CSGALNACT1: variants seen among roughly 807,000 people sequenced by gnomAD.
CSGALNACT1 encodes chondroitin sulfate N-acetylgalactosaminyltransferase 1, also known as beta4GalNAcT-1.
In CSGALNACT1, 52 loss-of-function variants were observed where a neutral mutation model predicts 51.0. The ratio of observed to expected loss-of-function variants is 1.02; its 90% confidence interval spans 0.82 to 1.29. The LOEUF (loss-of-function observed/expected upper bound fraction) is 1.29. Ranked by LOEUF, CSGALNACT1 falls within the 50% of genes most tolerant of loss-of-function variation. CSGALNACT1 has a pLI of 0.00. For synonymous variants in CSGALNACT1, 341 were observed against 254.4 expected (o/e 1.34, Z -3.24); for missense variants, 935 against 679.2 (o/e 1.38, Z -4.19).
intron 6 of CSGALNACT1, among the ~76,000 whole-genome samples, chr8:19,432,356 G>T (rs1319509331): frequency 6.6e-6 from 1 of 152,078 alleles, no homozygotes; most frequent in Non-Finnish European, 1.5e-5. Context: ...TGGATGAGTT[G>T]CTTCTCTTTC....
At chr8:19,429,680 A>G (rs1390509420) in intron 6 of CSGALNACT1, among the ~76,000 whole-genome samples, 1 of 152,266 alleles carries the variant, frequency 6.6e-6, no homozygotes, top group East Asian at 1.9e-4. Context: ...TAATGCAGCT[A>G]TGAACATTCA....
At chr8:19,740,412 C>A (rs2064239141) in intron 1 of CSGALNACT1, among the ~76,000 whole-genome samples, 1 of 152,204 alleles carries the variant, frequency 6.6e-6, no homozygotes, top group Admixed American at 6.5e-5. Context: ...ACCCCCACAA[C>A]CCTTCCTCCA....
chr8:19,458,697 G>A (rs1381521260), intron 4 of CSGALNACT1, 55 bp from the exon 4 acceptor site: 2 of 1,517,684 alleles, frequency 1.3e-6, no homozygotes, highest in East Asian at 4.7e-5. Flanking sequence ...TGGCTGCTGA[G>A]TGTTTTTCAA....
chr8:19,537,971 T>TA (rs1424947546), intron 3 of CSGALNACT1, among the ~76,000 whole-genome samples: 1 of 152,116 alleles, frequency 6.6e-6, no homozygotes, highest in African/African-American at 2.4e-5. Flanking sequence ...CTGGGGAAAA[T>TA]ATTTGCCAAC....
At chr8:19,594,213 A>G (rs2048416479) in intron 2 of CSGALNACT1, among the ~76,000 whole-genome samples, 1 of 152,200 alleles carries the variant, frequency 6.6e-6, no homozygotes, top group South Asian at 2.1e-4. Context: ...TAAGGCACGG[A>G]AAAGGAGATT....
intron 4 of CSGALNACT1, among the ~76,000 whole-genome samples, chr8:19,473,965 A>G (rs2068795919): frequency 6.6e-6 from 1 of 152,240 alleles, no homozygotes; most frequent in Non-Finnish European, 1.5e-5. Flanking sequence ...TTGAGAAAAT[A>G]CAGGTTCTTG....
intron 3 of CSGALNACT1, among the ~76,000 whole-genome samples, chr8:19,531,553 A>C (rs2082765055): frequency 6.6e-6 from 1 of 152,150 alleles, no homozygotes; most frequent in Non-Finnish European, 1.5e-5. Flanking sequence ...CCGCTTACCA[A>C]CTAAGTAACC....
intron 1 of CSGALNACT1, among the ~76,000 whole-genome samples, chr8:19,705,550 A>G (rs942470696): frequency 6.6e-6 from 1 of 152,160 alleles, no homozygotes; most frequent in African/African-American, 2.4e-5. Flanking sequence ...AGCTTAGGCA[A>G]TATGATGAAA....
chr8:19,664,586 C>T (rs759790401), intron 1 of CSGALNACT1, among the ~76,000 whole-genome samples: 1 of 152,096 alleles, frequency 6.6e-6, no homozygotes, highest in Non-Finnish European at 1.5e-5. Context: ...TCTAAGTATT[C>T]ACCAACGTAT....
intron 5 of CSGALNACT1, chr8:19,457,636 G>A: frequency 7.9e-7 from 1 of 1,269,200 alleles, no homozygotes; most frequent in Non-Finnish European, 1.0e-6. Context: ...TAAAAAATCA[G>A]CTTGATCTTT....
At chr8:19,689,971 C>A (rs2061207543) in intron 1 of CSGALNACT1, among the ~76,000 whole-genome samples, 1 of 152,206 alleles carries the variant, frequency 6.6e-6, no homozygotes, top group South Asian at 2.1e-4. Flanking sequence ...TTTTCTGCAT[C>A]TTTAGATGAA....
At chr8:19,632,474 T>G (rs1368075486) in intron 1 of CSGALNACT1, among the ~76,000 whole-genome samples, 1 of 152,200 alleles carries the variant, frequency 6.6e-6, no homozygotes, top group Non-Finnish European at 1.5e-5. Context: ...AAGGGAAGCA[T>G]CAAAAAAGCA....
chr8:19,752,147 A>ATTG, intron 1 of CSGALNACT1, among the ~76,000 whole-genome samples: 1 of 124,044 alleles, frequency 8.1e-6, no homozygotes, highest in Non-Finnish European at 1.7e-5. Flanking sequence ...ATATGATATT[A>ATTG]TATGACATAT....
intron 4 of CSGALNACT1, among the ~76,000 whole-genome samples, chr8:19,478,746 T>C (rs374870926): frequency 3.9e-5 from 6 of 152,208 alleles, no homozygotes; most frequent in African/African-American, 1.4e-4. Context: ...CTGCTATAAA[T>C]TGCTTCAGTA....
intron 1 of CSGALNACT1, among the ~76,000 whole-genome samples, chr8:19,641,100 A>G (rs1396854979): frequency 7.1e-6 from 1 of 141,158 alleles, no homozygotes; most frequent in African/African-American, 2.6e-5. Context: ...TGCGGAATCT[A>G]CCTGTATTAC....
intron 3 of CSGALNACT1, among the ~76,000 whole-genome samples, chr8:19,565,571 C>A (rs6995282): frequency 1.2e-4 from 19 of 152,170 alleles, no homozygotes; most frequent in Non-Finnish European, 2.1e-4. Flanking sequence ...GCCAAGTATT[C>A]TCTCCAGCTT....
At chr8:19,458,291 G>T in intron 5 of CSGALNACT1, 135 bp downstream of exon 4, 2 of 848,620 alleles carry the variant, frequency 2.4e-6, no homozygotes, top group East Asian at 4.8e-5. Context: ...TAAACTTTAC[G>T]TGGAGAAAAC....
At chr8:19,685,764 T>G (rs1398320756), upstream of CSGALNACT1, among the ~76,000 whole-genome samples, 1 of 152,198 alleles carries the variant, frequency 6.6e-6, no homozygotes, top group Non-Finnish European at 1.5e-5. Context: ...CAGGCAGGTA[T>G]TTCAAGGAAG....
intron 1 of CSGALNACT1, among the ~76,000 whole-genome samples, chr8:19,699,467 G>A (rs2154219651): frequency 6.6e-6 from 1 of 152,306 alleles, no homozygotes; most frequent in South Asian, 2.1e-4. Context: ...AAAAAGGAAG[G>A]AAATTTGGAA....
Sources: gnomAD v4.1 joint callset for allele counts (sites outside exome capture counted in the v4.1 genomes callset) on GRCh38, gnomAD v4.1.1 for gene constraint, MANE v1.5 for transcripts, NCBI Gene and HGNC (gene_info 2026-07-23, HGNC 2026-07-21) for gene names.